SMYD3: variants seen among roughly 807,000 people sequenced by gnomAD.
SMYD3 encodes SET and MYND domain containing 3.
A neutral mutation model predicts 57.7 loss-of-function variants in SMYD3; 36 were observed. That is an observed-to-expected ratio of 0.62 (90% CI 0.48 to 0.82). SMYD3 has a LOEUF of 0.82. SMYD3 is among the 40% of genes least tolerant of loss of function. SMYD3 has a pLI of 0.00. For missense variants in SMYD3, 515 were observed against 538.8 expected (o/e 0.96, Z 0.44); for synonymous variants, 211 against 195.0 (o/e 1.08, Z -0.68).
rs1191321336 is a variant in SMYD3, at chr1:245,936,708, A to C, written c.532-6771T>G. Among the ~76,000 whole-genome samples the C allele has an allele frequency of 2.6e-5, 4 of 152,290 alleles. No homozygotes were observed. The East Asian group carries it at 7.7e-4, about 29-fold the overall frequency. ...CCAGAAGTTTGAGACCAGCTTGGGC[A>C]ACATGGCAAAACCTCGCCACTATAA... On this transcript the variant is annotated intron_variant, in intron 5 of 11. Coordinates refer to ENST00000490107, the MANE Select transcript of SMYD3 (RefSeq NM_001167740.2).
chr1:246,088,405 C>G (rs1045225999), intron 5 of SMYD3, among the ~76,000 whole-genome samples: 15 of 150,734 alleles, frequency 1.0e-4, no homozygotes, highest in African/African-American at 2.7e-4. Context: ...GTCAGGAGAT[C>G]GAGACCATCC....
chr1:246,074,913 TACACACACACACACAC>T lies in SMYD3; in HGVS notation c.532-144992_532-144977del, dbSNP rs60103366. Among the ~76,000 whole-genome samples the T allele has an allele frequency of 6.6e-3, 973 of 148,470 alleles. 4 individuals carry two copies. The highest frequency in any genetic ancestry group is 7.9e-3 in the Non-Finnish European group (529 of 67,276). On this transcript the variant is annotated intron_variant, in intron 5 of 11. Transcript: ENST00000490107. ...CCAATATAATAGCATGCTAAAGCAATACACACACACACACACACACACACACACACACACACACTTC... is the reference window on the plus strand; with the variant it reads ...CCAATATAATAGCATGCTAAAGCAATACACACACACACACACACACACTTC...
At chr1:246,455,348 T>C (rs1221385921) in intron 1 of SMYD3, among the ~76,000 whole-genome samples, 1 of 152,196 alleles carries the variant, frequency 6.6e-6, no homozygotes, top group Admixed American at 6.5e-5. Context: ...AAATGAAATA[T>C]CTCTAAAACC....
At chr1:246,397,182 C>A (rs115594689) in intron 1 of SMYD3, among the ~76,000 whole-genome samples, 4,373 of 152,290 alleles carry the variant, frequency 0.029, 105 homozygotes, top group Non-Finnish European at 0.043. Flanking sequence ...CACCTCCTGT[C>A]AGATCAGCGG....
chr1:246,448,727 A>AAAAG (rs1553349858), intron 1 of SMYD3, among the ~76,000 whole-genome samples: 2 of 151,014 alleles, frequency 1.3e-5, no homozygotes, highest in African/African-American at 4.9e-5. Context: ...AAAAAAAAAA[A>AAAAG]AGGACAAAAT....
chr1:246,304,081 C>T (rs1040235019), intron 5 of SMYD3, among the ~76,000 whole-genome samples: 4 of 152,090 alleles, frequency 2.6e-5, no homozygotes, highest in Non-Finnish European at 4.4e-5. Flanking sequence ...ATTTGTAATA[C>T]ATATTGGGTC....
At chr1:246,251,456 T>C (rs1780826) in intron 5 of SMYD3, among the ~76,000 whole-genome samples, 21,975 of 116,452 alleles carry the variant, frequency 0.19, 2,697 homozygotes, top group East Asian at 0.49. Context: ...TCGGACACTG[T>C]GCCCGGCTTT....
intron 5 of SMYD3, among the ~76,000 whole-genome samples, chr1:246,008,111 T>C (rs2059208553): frequency 6.6e-6 from 1 of 152,156 alleles, no homozygotes. Context: ...TCACAAGCGA[T>C]GTGACAAAAA....
chr1:246,124,980 G>C (rs954138818), intron 5 of SMYD3, among the ~76,000 whole-genome samples: 2 of 151,666 alleles, frequency 1.3e-5, no homozygotes, highest in Admixed American at 1.3e-4. Flanking sequence ...GCTGAGGCAG[G>C]AGAATGGTGT....
At chr1:245,931,584 T>G (rs945719022) in intron 5 of SMYD3, among the ~76,000 whole-genome samples, 1 of 152,032 alleles carries the variant, frequency 6.6e-6, no homozygotes, top group African/African-American at 2.4e-5. Flanking sequence ...CAAGAGGAGT[T>G]GCGCCTAGAG....
At chr1:245,810,556 A>G (rs2048404503) in intron 10 of SMYD3, among the ~76,000 whole-genome samples, 1 of 152,142 alleles carries the variant, frequency 6.6e-6, no homozygotes, top group Non-Finnish European at 1.5e-5. Flanking sequence ...GCAGCCACGG[A>G]GTTGAAGGCT....
At position 245,915,547 on chromosome 1, in the gene SMYD3, A is replaced by G; in HGVS notation, c.796T>C (p.Cys266Arg). The part of the protein sequence containing the change: ...QYCFECDCFR[C>R]QTQDKDADML... ...CTACATACCTTGTCCTGGGTTTGGC[A>G]ACGGAAACAGTCACATTCAAAGCAG... The change falls in exon 8 of 12, where the codon TGC becomes CGC. Residue 266 changes from cysteine (C) to arginine (R), a missense_variant. Cys to Arg is a radical substitution (Grantham distance 180, BLOSUM62 -3). Transcript: ENST00000490107. 1 of 1,613,472 alleles carries G rather than the reference A, an allele frequency of 6.2e-7. No homozygotes were observed. The highest frequency in any genetic ancestry group is 1.1e-5 in the South Asian group (1 of 91,018).
At chr1:245,811,204 C>G (rs112828757) in intron 10 of SMYD3, among the ~76,000 whole-genome samples, 1 of 152,138 alleles carries the variant, frequency 6.6e-6, no homozygotes, top group Non-Finnish European at 1.5e-5. Context: ...AAACAGAGCG[C>G]TGAAGTGCAA....
intron 11 of SMYD3, among the ~76,000 whole-genome samples, chr1:245,763,337 G>T (rs970016895): frequency 6.6e-6 from 1 of 152,140 alleles, no homozygotes; most frequent in Non-Finnish European, 1.5e-5. Flanking sequence ...GTGGTCATCG[G>T]GTATGCCTAC....
At chr1:245,812,774 A>G (rs1002714177) in intron 10 of SMYD3, among the ~76,000 whole-genome samples, 1 of 151,592 alleles carries the variant, frequency 6.6e-6, no homozygotes, top group African/African-American at 2.4e-5. Flanking sequence ...ACTGAGAAGA[A>G]AGGGGTCACT....
At chr1:245,874,923 G>A (rs548728747) in intron 8 of SMYD3, among the ~76,000 whole-genome samples, 1 of 152,346 alleles carries the variant, frequency 6.6e-6, no homozygotes, top group African/African-American at 2.4e-5. Context: ...TGGGAGGAGA[G>A]AGGGGTGACC....
At chr1:246,180,949 A>G (rs2062541322) in intron 5 of SMYD3, among the ~76,000 whole-genome samples, 1 of 151,968 alleles carries the variant, frequency 6.6e-6, no homozygotes, top group Admixed American at 6.6e-5. Context: ...AAAGCAACAA[A>G]ATATCAGGGA....
intron 5 of SMYD3, among the ~76,000 whole-genome samples, chr1:246,239,074 G>A (rs2063559060): frequency 6.6e-6 from 1 of 151,982 alleles, no homozygotes; most frequent in South Asian, 2.1e-4. Flanking sequence ...AGGACAGTGT[G>A]TACTACAGTG....
chr1:245,790,407 C>G (rs2047219790), intron 10 of SMYD3, among the ~76,000 whole-genome samples: 1 of 152,192 alleles, frequency 6.6e-6, no homozygotes, highest in African/African-American at 2.4e-5. Context: ...GCAGAGCCCA[C>G]TCTTATCTAC....
Sources: allele counts gnomAD v4.1 joint callset (sites outside exome capture counted in the v4.1 genomes callset), GRCh38; gene constraint gnomAD v4.1.1; transcripts MANE v1.5; gene names NCBI Gene and HGNC (gene_info 2026-07-23, HGNC 2026-07-21).